Variants in NHS observed in about 807,000 individuals in gnomAD.
NHS encodes NHS actin remodeling regulator.
NHS carries 5 observed loss-of-function variants against 72.5 expected under a neutral mutation model. The observed-to-expected ratio is 0.07, with a 90% CI of 0.04 to 0.14. NHS has a LOEUF of 0.14. Ranked by LOEUF, NHS falls within the 10% of genes least tolerant of loss-of-function variation. NHS has a pLI of 1.00. For synonymous variants in NHS, 464 were observed against 547.7 expected, an observed-to-expected ratio of 0.85 and a Z score of 2.13; for missense variants, 1,072 against 1,355.7, an observed-to-expected ratio of 0.79 and a Z score of 3.29.
chrX:17,447,785 G>GCGCA (rs761462727), intron 1 of NHS, among the ~76,000 whole-genome samples: 46 of 89,667 alleles, frequency 5.1e-4, no homozygotes, highest in African/African-American at 1.6e-3. Context: ...ACACACACAC[G>GCGCA]CACACACACA....
intron 1 of NHS, among the ~76,000 whole-genome samples, chrX:17,478,334 C>A (rs2064930351): frequency 1.8e-5 from 2 of 111,944 alleles, no homozygotes; most frequent in Non-Finnish European, 3.8e-5. Flanking sequence ...CAAAATCAGA[C>A]CTCCATCTCT....
chrX:17,693,122 G>A (rs950702319), intron 3 of NHS, among the ~76,000 whole-genome samples: 4 of 112,507 alleles, frequency 3.6e-5, no homozygotes, highest in Non-Finnish European at 7.5e-5. Flanking sequence ...CCATGGTGAC[G>A]TCATCGCCTC....
intron 1 of NHS, among the ~76,000 whole-genome samples, chrX:17,496,156 A>G (rs2065011703): frequency 8.9e-6 from 1 of 111,736 alleles, no homozygotes; most frequent in Admixed American, 9.5e-5. Context: ...GCTAGAAGCC[A>G]GTAGACCTGG....
At chrX:17,379,417 T>C (rs757507681) in intron 1 of NHS, among the ~76,000 whole-genome samples, 24 of 110,756 alleles carry the variant, frequency 2.2e-4, no homozygotes, top group African/African-American at 5.6e-4. Context: ...GTACAGGTTG[T>C]GGAAAAAAAA....
At chrX:17,418,805 C>T (rs912431203) in intron 1 of NHS, among the ~76,000 whole-genome samples, 16 of 110,233 alleles carry the variant, frequency 1.5e-4, no homozygotes, top group Non-Finnish European at 2.1e-4. Context: ...ACTGTGGGCA[C>T]GAGAGAGTCA....
At chrX:17,702,638 G>GATTGCACCA (rs2147123050) in intron 3 of NHS, among the ~76,000 whole-genome samples, 1 of 111,644 alleles carries the variant, frequency 9.0e-6, no homozygotes, top group Non-Finnish European at 1.9e-5. Flanking sequence ...AGTGAGCCGA[G>GATTGCACCA]ATTGCACCAC....
chrX:17,619,415 G>T (rs1256910139), intron 1 of NHS, among the ~76,000 whole-genome samples: 2 of 111,788 alleles, frequency 1.8e-5, no homozygotes, highest in African/African-American at 6.6e-5. Flanking sequence ...TGTTACACTA[G>T]TTAGCCCACC....
At chrX:17,660,846 C>A (rs1027000062) in intron 1 of NHS, among the ~76,000 whole-genome samples, 10 of 112,279 alleles carry the variant, frequency 8.9e-5, no homozygotes, top group African/African-American at 2.6e-4. Flanking sequence ...TAACAGGAGA[C>A]CTGGAAGTAG....
At chrX:17,431,733 C>T in intron 1 of NHS, among the ~76,000 whole-genome samples, 1 of 111,914 alleles carries the variant, frequency 8.9e-6, no homozygotes, top group East Asian at 2.8e-4. Flanking sequence ...TATGAGAACA[C>T]TTTCCCAGGG....
At chrX:17,461,232 A>G (rs1010025456) in intron 1 of NHS, among the ~76,000 whole-genome samples, 9 of 112,162 alleles carry the variant, frequency 8.0e-5, no homozygotes, top group Non-Finnish European at 1.7e-4. Flanking sequence ...AAAGTCAACA[A>G]GACAATGATG....
chrX:17,514,104 T>C (rs1184380007), intron 1 of NHS, among the ~76,000 whole-genome samples: 1 of 111,593 alleles, frequency 9.0e-6, no homozygotes, highest in African/African-American at 3.3e-5. Context: ...GAGAACACCA[T>C]GGGAAAGACC....
At chrX:17,539,138 T>C (rs1221375522) in intron 1 of NHS, among the ~76,000 whole-genome samples, 1 of 112,111 alleles carries the variant, frequency 8.9e-6, no homozygotes, top group Non-Finnish European at 1.9e-5. Context: ...ATGCAGGGTC[T>C]TCCTTCAAGG....
chrX:17,615,163 ATATATATACGTATATATATAG>A (rs2065734961), intron 1 of NHS, among the ~76,000 whole-genome samples: 2 of 42,391 alleles, frequency 4.7e-5, no homozygotes, highest in African/African-American at 1.4e-4. Context: ...TATATATACT[ATATATATACGTATATATATAG>A]TATATATACA....
chrX:17,378,911 T>A (rs1435558511), intron 1 of NHS, among the ~76,000 whole-genome samples: 1 of 111,687 alleles, frequency 9.0e-6, no homozygotes, highest in African/African-American at 3.3e-5. Context: ...AAGCCTATGA[T>A]GTGCACAGGA....
At chrX:17,472,218 TG>T (rs2064895227) in intron 1 of NHS, among the ~76,000 whole-genome samples, 1 of 110,184 alleles carries the variant, frequency 9.1e-6, no homozygotes, top group Non-Finnish European at 1.9e-5. Flanking sequence ...TTCGGCATCT[TG>T]GGGGCATTAT....
intron 1 of NHS, among the ~76,000 whole-genome samples, chrX:17,607,533 C>T (rs1281397223): frequency 3.6e-5 from 4 of 111,405 alleles, no homozygotes; most frequent in Non-Finnish European, 3.8e-5. Context: ...CTGTTTCTCC[C>T]CCTAGTAAGG....
chrX:17,593,727 A>G (rs1260858332), intron 1 of NHS, among the ~76,000 whole-genome samples: 1 of 111,819 alleles, frequency 8.9e-6, no homozygotes, highest in African/African-American at 3.3e-5. Flanking sequence ...ATTGTCAGCA[A>G]TGAGCTGTAA....
At chrX:17,707,764 A>G (rs1414548646) in intron 3 of NHS, among the ~76,000 whole-genome samples, 2 of 73,565 alleles carry the variant, frequency 2.7e-5, no homozygotes, top group Admixed American at 3.2e-4. Context: ...CAAGAGTACA[A>G]GAGTACTATA....
At chrX:17,614,319 A>C (rs2065726274) in intron 1 of NHS, among the ~76,000 whole-genome samples, 1 of 112,039 alleles carries the variant, frequency 8.9e-6, no homozygotes, top group Admixed American at 9.5e-5. Flanking sequence ...CTGAGAGCAG[A>C]AGGAAGGACT....
Sources: gnomAD v4.1 joint callset for allele counts (sites outside exome capture counted in the v4.1 genomes callset) on GRCh38, gnomAD v4.1.1 for gene constraint, MANE v1.5 for transcripts, NCBI Gene and HGNC (gene_info 2026-07-23, HGNC 2026-07-21) for gene names.